Variants in FAT4 observed in about 807,000 individuals in gnomAD.
FAT4 encodes the protein FAT atypical cadherin 4, also known as protocadherin Fat 4.
Under a neutral mutation model 303.9 loss-of-function variants are expected in FAT4, and 84 were observed. That is an observed-to-expected ratio of 0.28 (90% CI 0.23 to 0.33). FAT4 has a LOEUF of 0.33. FAT4 is among the 10% of genes least tolerant of loss of function. The pLI is 1.00. For synonymous variants in FAT4, 2,307 were observed against 2,298.8 expected (o/e 1.00, Z -0.10); for missense variants, 6,005 against 6,146.8 (o/e 0.98, Z 0.77).
At chr4:125,402,626 CG>C (rs908229052) in intron 3 of FAT4, among the ~76,000 whole-genome samples, 3 of 151,810 alleles carry the variant, frequency 2.0e-5, no homozygotes, top group East Asian at 1.9e-4. Context: ...CTAAATATAG[CG>C]GGAATATTTT....
chr4:125,461,637 A>G (rs1246908149), intron 10 of FAT4, among the ~76,000 whole-genome samples: 1 of 152,056 alleles, frequency 6.6e-6, no homozygotes, highest in East Asian at 1.9e-4. Context: ...GGATAAAGAA[A>G]GGAATGAAAG....
At chr4:125,322,903 C>A (rs1009300549) in intron 2 of FAT4, among the ~76,000 whole-genome samples, 5 of 151,754 alleles carry the variant, frequency 3.3e-5, no homozygotes, top group Non-Finnish European at 7.4e-5. Context: ...ATTTCTAAGC[C>A]AAATAACCTC....
intron 14 of FAT4, among the ~76,000 whole-genome samples, chr4:125,478,370 G>A (rs540829366): frequency 2.0e-5 from 3 of 152,112 alleles, no homozygotes; most frequent in South Asian, 2.1e-4. Flanking sequence ...TTATATCTCC[G>A]TGTTCACACA....
rs972264964 is a variant in FAT4, at chr4:125,316,670, A to G, written c.259A>G (p.Thr87Ala). 1.2e-6 allele frequency: 2 copies of G among 1,613,662 alleles called. No individual in the cohort carries two copies. Among genetic ancestry groups the G allele is most frequent in the Non-Finnish European group, 1.7e-6 (2 of 1,180,024 alleles). ...SHALFAINSS[T>A]GALYTTSTID... Reference sequence around the variant, plus strand: ...CGCCCTGTTTGCCATAAACAGTAGCACCGGAGCCCTGTACACCACCTCCAC... The same window carrying G: ...CGCCCTGTTTGCCATAAACAGTAGCGCCGGAGCCCTGTACACCACCTCCAC... Residue 87 changes from threonine to alanine, a missense_variant, in exon 2 of 18, where the codon ACC becomes GCC. Physicochemically the swap from Thr to Ala is moderately conservative, Grantham distance 58 (BLOSUM62 0). Transcript: ENST00000394329. The surrounding 1 kb of genome is among the most constrained non-coding windows in gnomAD (Gnocchi z 5.7).
chr4:125,463,200 C>T (rs1253157460), intron 10 of FAT4, among the ~76,000 whole-genome samples: 5 of 151,846 alleles, frequency 3.3e-5, no homozygotes, highest in Admixed American at 6.6e-5. Context: ...GAAAAGAATA[C>T]TGTAAGTTTC....
intron 2 of FAT4, among the ~76,000 whole-genome samples, chr4:125,395,838 C>T (rs1168936683): frequency 6.6e-6 from 1 of 152,076 alleles, no homozygotes; most frequent in African/African-American, 2.4e-5. Flanking sequence ...ACTAAATTTA[C>T]TATCTCTACT....
At chr4:125,427,482 C>G (rs962717553) in intron 7 of FAT4, among the ~76,000 whole-genome samples, 5 of 151,802 alleles carry the variant, frequency 3.3e-5, no homozygotes, top group African/African-American at 1.2e-4. Context: ...AACTAATTAG[C>G]AGCAATACAT....
At chr4:125,381,350 G>A (rs1438541766) in intron 2 of FAT4, among the ~76,000 whole-genome samples, 2 of 152,032 alleles carry the variant, frequency 1.3e-5, no homozygotes, top group African/African-American at 4.8e-5. Flanking sequence ...TTTAAATGCA[G>A]GTATACCTCT....
At chr4:125,390,612 A>G in intron 2 of FAT4, among the ~76,000 whole-genome samples, 1 of 152,224 alleles carries the variant, frequency 6.6e-6, no homozygotes, top group African/African-American at 2.4e-5. Context: ...TAGTACCTAC[A>G]CAGCATAAAC....
At chr4:125,413,509 A>T (rs1734923660) in intron 5 of FAT4, among the ~76,000 whole-genome samples, 1 of 151,928 alleles carries the variant, frequency 6.6e-6, no homozygotes, top group Admixed American at 6.6e-5. Context: ...AATTTTTGTT[A>T]ATAAGTCATT....
chr4:125,373,835 C>T (rs1733215688), intron 2 of FAT4, among the ~76,000 whole-genome samples: 3 of 152,114 alleles, frequency 2.0e-5, no homozygotes, highest in Admixed American at 2.0e-4. Flanking sequence ...TCATGCCTTC[C>T]TTTAAAAATT....
At position 125,451,995 on chromosome 4, in the gene FAT4, G is replaced by T. The variant is rs534774420; in HGVS notation, c.10985G>T (p.Ser3662Ile). 3 of 1,614,136 alleles carry T rather than the reference G, an allele frequency of 1.9e-6. No individual in the cohort carries two copies. In the South Asian group the frequency reaches 3.3e-5, roughly 18 times the overall value. ...ACTTCAGGAGTTACCAGCCTCTTCA[G>T]TATTCCAGGGGGTACTTGTGATCTG... Reference protein sequence around the residue: ...SLTSGVTSLFSIPGGTCDLNS... With the variant: ...SLTSGVTSLFIIPGGTCDLNS... Residue 3662 changes from serine to isoleucine, a missense_variant, in exon 10 of 18, where the codon AGT (serine) becomes ATT (isoleucine). Physicochemically the swap from Ser to Ile is moderately radical, Grantham distance 142. Transcript: ENST00000394329.
chr4:125,452,178 C>T lies in FAT4; in HGVS notation c.11168C>T (p.Thr3723Ile), dbSNP rs764479089. Residue 3723 changes from threonine (T) to isoleucine (I), a missense_variant, in exon 10 of 18, where the codon ACA becomes ATA. By Grantham distance (89) the Thr-to-Ile change is moderately conservative (BLOSUM62 -1). Transcript: ENST00000394329. Reference sequence around the variant, plus strand: ...ATCTTACTTCGTCTCGGCGTACCAACAGTAAAGGACTTCTTGACCAACCAC... The same window carrying T: ...ATCTTACTTCGTCTCGGCGTACCAATAGTAAAGGACTTCTTGACCAACCAC... ...NSILLRLGVP[T>I]VKDFLTNHYL... 2 of 1,614,220 alleles carry T rather than the reference C, an allele frequency of 1.2e-6. No individual in the cohort carries two copies. Among genetic ancestry groups the T allele is most frequent in the Non-Finnish European group, 1.7e-6 (2 of 1,180,036 alleles).
intron 2 of FAT4, among the ~76,000 whole-genome samples, chr4:125,387,564 A>G (rs1188594597): frequency 6.6e-6 from 1 of 152,198 alleles, no homozygotes; most frequent in Non-Finnish European, 1.5e-5. Context: ...CTCTTGGATC[A>G]TGTATTCCCA....
intron 5 of FAT4, among the ~76,000 whole-genome samples, chr4:125,410,187 T>G (rs1246229945): frequency 6.6e-6 from 1 of 152,186 alleles, no homozygotes; most frequent in African/African-American, 2.4e-5. Context: ...CTAATTTAAG[T>G]GCAGTTAAAA....
At chr4:125,377,339 A>C (rs936526746) in intron 2 of FAT4, among the ~76,000 whole-genome samples, 1 of 152,128 alleles carries the variant, frequency 6.6e-6, no homozygotes, top group Admixed American at 6.6e-5. Flanking sequence ...ATCAAAAAAA[A>C]ACAAAAAGCT....
At position 125,448,703 on chromosome 4, in the gene FAT4, G is replaced by A. The variant is rs755593093; in HGVS notation, c.7693G>A (p.Asp2565Asn). Residue 2565 changes from aspartate (D) to asparagine (N), a missense_variant, in exon 10 of 18, where the codon GAT (aspartate) becomes AAT (asparagine). Transcript: ENST00000394329. ...GACTGTTAGATTCGTGAATAAGGCC[G>A]ATTTCCCTAAAGTGAGAGCCAAAGA... is the stretch of plus-strand genomic sequence containing the variant. Reference protein sequence around the residue: ...TVTVRFVNKADFPKVRAKEQT... With the variant: ...TVTVRFVNKANFPKVRAKEQT... The A allele has an allele frequency of 1.3e-5, 21 of 1,613,736 alleles. No homozygotes were observed. The highest frequency in any genetic ancestry group is 1.1e-4 in the African/African-American group (8 of 74,890).
At chr4:125,333,764 T>C (rs1028841348) in intron 2 of FAT4, among the ~76,000 whole-genome samples, 2 of 152,190 alleles carry the variant, frequency 1.3e-5, no homozygotes, top group East Asian at 3.9e-4. Flanking sequence ...ATAGAAACAA[T>C]CATCCTGTGA....
intron 11 of FAT4, among the ~76,000 whole-genome samples, chr4:125,468,101 T>G (rs985930706): frequency 4.6e-5 from 7 of 151,968 alleles, no homozygotes; most frequent in African/African-American, 1.7e-4. Flanking sequence ...TAGGCAGAGG[T>G]TGCAGTGAGC....
Sources: gnomAD v4.1 joint callset for allele counts (sites outside exome capture counted in the v4.1 genomes callset) on GRCh38, gnomAD v4.1.1 for gene constraint, Gnocchi (gnomAD v3.1) non-coding constraint, MANE v1.5 for transcripts, NCBI Gene and HGNC (gene_info 2026-07-23, HGNC 2026-07-21) for gene names.